Variants in CHTF18 observed in about 807,000 individuals in gnomAD.
CHTF18 encodes chromosome transmission fidelity factor 18.
CHTF18 carries 151 observed loss-of-function variants against 113.4 expected under a neutral mutation model. That is an observed-to-expected ratio of 1.33 (90% CI 1.17 to 1.52). CHTF18 has a LOEUF of 1.52. CHTF18 is among the 40% of genes most tolerant of loss of function. CHTF18 has a pLI of 0.00. For synonymous variants in CHTF18, 916 were observed against 598.8 expected (o/e 1.53, Z -7.74); for missense variants, 1,982 against 1,381.6 (o/e 1.43, Z -6.89).
rs954872190 is a variant in CHTF18, at chr16:793,353, A to G, written c.1802+79A>G. 5 of 1,522,954 alleles carry G rather than the reference A, an allele frequency of 3.3e-6. No individual in the cohort carries two copies. The East Asian group carries it at 7.2e-5, about 22-fold the overall frequency. 94.3% of individuals were successfully genotyped at this position (1,522,954 alleles called of 1,614,324 possible). The stretch of plus-strand genomic sequence containing the variant: ...ACGCTAGCCCTGTGTGCAGGCCAGC[A>G]CTACCTTCGAGGCGGGGACTCAGTG... On this transcript the variant is annotated intron_variant, in intron 14 of 21. Transcript: ENST00000262315.
At chr16:794,298 C>G in intron 15 of CHTF18, 97 bp downstream of exon 15, 1 of 1,409,726 alleles carries the variant, frequency 7.1e-7, no homozygotes, top group Non-Finnish European at 9.7e-7. Context: ...GACGGGGAGG[C>G]GCTTTGGGGG....
At position 793,074 on chromosome 16, in the gene CHTF18, C is replaced by T. The variant is rs112673379; in HGVS notation, c.1671+10C>T. The T allele has an allele frequency of 1.8e-4, 201 of 1,145,292 alleles. 1 individual carries two copies. Among genetic ancestry groups the T allele is most frequent in the African/African-American group, 9.6e-4 (61 of 63,814 alleles). 70.9% of individuals were successfully genotyped at this position (1,145,292 alleles called of 1,614,324 possible). On this transcript the variant is annotated intron_variant, in intron 13 of 21. Transcript: ENST00000262315. ...CATCAACACCCTGCAGGTGGGCGGC[C>T]GGCAGGCACCGGGTGGGGTGGGGTG...
rs2042333769 is a variant in CHTF18, at chr16:795,979, G to A, written c.2358G>A (p.Lys786=). 3 of 1,609,284 alleles carry A rather than the reference G, an allele frequency of 1.9e-6. No individual in the cohort carries two copies. The highest frequency in any genetic ancestry group is 2.5e-6 in the Non-Finnish European group (3 of 1,178,474). Residue 786 remains lysine (K), a synonymous_variant, in exon 18 of 22, where the codon AAG becomes AAA. Transcript: ENST00000262315. ...CACAGCTGTACAGCACCCGTGAAAA[G>A]CAACAGCTGGCCAGCCTGGTGGGCA... ...VSTQLYSTRE[K]QQLASLVGTM... is the part of the protein sequence containing the mutation.
In CHTF18 at chr16:794,020, A is replaced by G. The variant is rs756081414; in HGVS notation, c.1803-34A>G. ...GGGTGGGGCTGCCTGTGCTTTTAACACGGGTCCATCTAGCTTCAGCACCCC... is the reference window on the plus strand; with the variant it reads ...GGGTGGGGCTGCCTGTGCTTTTAACGCGGGTCCATCTAGCTTCAGCACCCC... On this transcript the variant is annotated intron_variant, in intron 14 of 21. Coordinates refer to ENST00000262315, the MANE Select transcript of CHTF18 (RefSeq NM_022092.3). 3 of 1,595,356 alleles carry G rather than the reference A, an allele frequency of 1.9e-6. No individual in the cohort carries two copies. The East Asian group carries it at 6.7e-5, about 36-fold the overall frequency.
rs1276483571 is a variant in CHTF18, at chr16:796,978, A to G, written c.2619A>G (p.Pro873=). ...ENSPQVDGSP[P]GLEGLLGGIG... ...CCCTACAGGTGGATGGGAGCCCCCC[A>G]GGGCTCGAGGGTCTGCTGGGGGGCA... is the stretch of plus-strand genomic sequence containing the variant. The change falls in exon 20 of 22, where the codon CCA becomes CCG. Residue 873 remains proline, a synonymous_variant. Transcript: ENST00000262315. 6.5e-7 allele frequency: 1 copy of G among 1,527,848 alleles called. No homozygotes were observed. Among genetic ancestry groups the G allele is most frequent in the South Asian group, 1.3e-5 (1 of 78,052 alleles). 94.6% of individuals were successfully genotyped at this position (1,527,848 alleles called of 1,614,324 possible). A position where few individuals can be genotyped will look rare whatever the true frequency, so the allele number is the denominator to read the frequency against.
Position 790,654 on chromosome 16 carries a change from G to A in CHTF18, c.882G>A (p.Leu294=), listed in dbSNP as rs765317087. ...DEFAPRHYTE[L]LSDDFTNRCL... Reference sequence around the variant, plus strand: ...TTGCACCCCGCCACTACACGGAGCTGCTCAGTGATGACGTGAGGTCTTGTT... The same window carrying A: ...TTGCACCCCGCCACTACACGGAGCTACTCAGTGATGACGTGAGGTCTTGTT... The change falls in exon 7 of 22, where the codon CTG becomes CTA. Residue 294 remains leucine (L), a synonymous_variant. Transcript: ENST00000262315. 5 of 1,576,536 alleles carry A rather than the reference G, an allele frequency of 3.2e-6. No individual in the cohort carries two copies. The highest frequency in any genetic ancestry group is 4.3e-6 in the Non-Finnish European group (5 of 1,168,012).
Position 793,057 on chromosome 16 carries a change from C to G in CHTF18, c.1664C>G (p.Thr555Ser). The G allele has an allele frequency of 6.5e-7, 1 of 1,547,286 alleles. No individual in the cohort carries two copies. The highest frequency in any genetic ancestry group is 8.7e-7 in the Non-Finnish European group (1 of 1,143,604). Residue 555 changes from threonine (T) to serine (S), a missense_variant, in exon 13 of 22, where the codon ACC (threonine) becomes AGC (serine). By Grantham distance (58) the Thr-to-Ser change is moderately conservative. Coordinates refer to ENST00000262315, the MANE Select transcript of CHTF18 (RefSeq NM_022092.3). ...AATGACATCCGGGCCTGCATCAACA[C>G]CCTGCAGGTGGGCGGCCGGCAGGCA... ...TDNDIRACIN[T>S]LQFLYSRGQR...
rs199809632 is a variant in CHTF18, at chr16:794,161, A to G, written c.1910A>G (p.His637Arg). The stretch of plus-strand genomic sequence containing the variant: ...TCACAGCGATTCTACCGTGTCCTGC[A>G]TGCCGCTGCCTCTGCGGGCGAGCAC... ...SASQRFYRVL[H>R]AAASAGEHEK... The change falls in exon 15 of 22, where the codon CAT becomes CGT. Residue 637 changes from histidine to arginine, a missense_variant. Physicochemically the swap from His to Arg is conservative, Grantham distance 29. Transcript: ENST00000262315. 405 of 1,612,244 alleles carry G rather than the reference A, an allele frequency of 2.5e-4. 2 individuals carry two copies. Among genetic ancestry groups the G allele is most frequent in the Non-Finnish European group, 3.1e-4 (369 of 1,179,670 alleles).
At position 790,181 on chromosome 16, in the gene CHTF18, C is replaced by T. The variant is rs778954286; in HGVS notation, c.611C>T (p.Ser204Phe). 2.9e-5 allele frequency: 47 copies of T among 1,595,814 alleles called. No homozygotes were observed. The Admixed American group carries it at 7.1e-4, about 24-fold the overall frequency. The part of the protein sequence containing the change: ...ADPMAPGVQG[S>F]LLHVPWRGGG... ...ATTGTCCTCCCTTCCCCACAGGGCT[C>T]TCTCCTCCACGTCCCATGGCGAGGC... Residue 204 changes from serine to phenylalanine, a missense_variant, in exon 5 of 22, where the codon TCT becomes TTT. Transcript: ENST00000262315.
In CHTF18 at chr16:791,148, G is replaced by A. The variant is rs373267846; in HGVS notation, c.895-13G>A. On this transcript the variant is annotated splice_polypyrimidine_tract_variant and intron_variant, in intron 7 of 21. Transcript: ENST00000262315. The stretch of plus-strand genomic sequence containing the variant: ...GCCCTCAGGCTGTGCTTCCCTTCCC[G>A]TCCTTCCCGCAGTTCACCAACCGCT... 332 of 1,604,836 alleles carry A rather than the reference G, an allele frequency of 2.1e-4. 1 individual carries two copies. Among genetic ancestry groups the A allele is most frequent in the Non-Finnish European group, 2.6e-4 (302 of 1,176,784 alleles).
intron 8 of CHTF18, 171 bp from the exon 9 acceptor site, chr16:791,680 T>C (rs1206277631): frequency 5.6e-6 from 8 of 1,427,770 alleles, no homozygotes; most frequent in African/African-American, 1.4e-5. Context: ...GGTTTTTTTT[T>C]CCGTTGCCAT....
rs147233584 is a variant in CHTF18, at chr16:796,951, C to T, written c.2602-10C>T. ...GTGTGGCCAGATCTCACAATGCCTG[C>T]TCCCTACAGGTGGATGGGAGCCCCC... On this transcript the variant is annotated splice_polypyrimidine_tract_variant and intron_variant, in intron 19 of 21. Transcript: ENST00000262315. 1.8e-5 allele frequency: 27 copies of T among 1,529,814 alleles called. 1 individual carries two copies. Among genetic ancestry groups the T allele is most frequent in the African/African-American group, 2.8e-5 (2 of 72,420 alleles). 94.8% of individuals were successfully genotyped at this position (1,529,814 alleles called of 1,614,324 possible). A position where few individuals can be genotyped will look rare whatever the true frequency, so the allele number is the denominator to read the frequency against.
chr16:793,081 C>T lies in CHTF18; in HGVS notation c.1671+17C>T, dbSNP rs541768398. On this transcript the variant is annotated intron_variant, in intron 13 of 21. Transcript: ENST00000262315. ...ACCCTGCAGGTGGGCGGCCGGCAGGCACCGGGTGGGGTGGGGTGGGGTCAG... is the reference window on the plus strand; with the variant it reads ...ACCCTGCAGGTGGGCGGCCGGCAGGTACCGGGTGGGGTGGGGTGGGGTCAG... The T allele has an allele frequency of 7.2e-4, 825 of 1,152,556 alleles. 7 individuals are homozygous for T. The South Asian group carries it at 7.6e-3, about 11-fold the overall frequency. 71.4% of individuals were successfully genotyped at this position (1,152,556 alleles called of 1,614,324 possible). A position where few individuals can be genotyped will look rare whatever the true frequency, so the allele number is the denominator to read the frequency against.
At chr16:796,117 C>A in intron 18 of CHTF18, 40 bp downstream of exon 18, 1 of 1,574,926 alleles carries the variant, frequency 6.3e-7, no homozygotes, top group Non-Finnish European at 8.6e-7. Context: ...CAGGGTCATG[C>A]TCCCCGGCTG....
intron 9 of CHTF18, 82 bp from the exon 10 acceptor site, chr16:792,142 C>G: frequency 6.6e-7 from 1 of 1,525,180 alleles, no homozygotes; most frequent in East Asian, 2.5e-5. Flanking sequence ...GGTCTCCACG[C>G]AAATGCGGCA....
chr16:797,943 C>T lies in CHTF18; in HGVS notation c.2896C>T (p.Arg966Trp), dbSNP rs368524951. Residue 966 changes from arginine to tryptophan, a missense_variant, in exon 22 of 22, where the codon CGG becomes TGG. Arg to Trp is a moderately radical substitution (Grantham distance 101). Transcript: ENST00000262315. Reference sequence around the variant, plus strand: ...CAACGAGGGTGTCTCCAACGCCGTGCGGCGCAGCCTGTACATCAGGGACTT... The same window carrying T: ...CAACGAGGGTGTCTCCAACGCCGTGTGGCGCAGCCTGTACATCAGGGACTT... ...RFNEGVSNAV[R>W]RSLYIRDLL The T allele has an allele frequency of 6.4e-5, 103 of 1,612,272 alleles. No individual in the cohort carries two copies. The highest frequency in any genetic ancestry group is 1.8e-4 in the Admixed American group (11 of 59,978).
chr16:797,343 G>T (rs1375499008), intron 20 of CHTF18, among the ~76,000 whole-genome samples: 1 of 152,012 alleles, frequency 6.6e-6, no homozygotes, highest in Non-Finnish European at 1.5e-5. Flanking sequence ...GGTACCTTTG[G>T]GGGTGGGGCT....
rs1399904859 is a variant in CHTF18 at position 795,955 on chromosome 16, A to G, written c.2334A>G (p.Thr778=). Residue 778 remains threonine (T), a synonymous_variant, in exon 18 of 22, where the codon ACA becomes ACG. Coordinates refer to ENST00000262315, the MANE Select transcript of CHTF18 (RefSeq NM_022092.3). ...TGCCTCCCATCCCCTAGGTGAGCAC[A>G]CAGCTGTACAGCACCCGTGAAAAGC... The part of the protein sequence containing the change: ...ILAPKLRPVS[T]QLYSTREKQQ... The G allele has an allele frequency of 6.2e-7, 1 of 1,609,602 alleles. No individual in the cohort carries two copies. Among genetic ancestry groups the G allele is most frequent in the South Asian group, 1.1e-5 (1 of 90,370 alleles).
rs753629771 is a variant in CHTF18, at chr16:793,091, G to T, written c.1671+27G>T. The T allele has an allele frequency of 3.2e-6, 5 of 1,566,744 alleles. No homozygotes were observed. In the East Asian group the frequency reaches 1.2e-4, roughly 37 times the overall value. On this transcript the variant is annotated intron_variant, in intron 13 of 21. Transcript: ENST00000262315. The stretch of plus-strand genomic sequence containing the variant: ...TGGGCGGCCGGCAGGCACCGGGTGG[G>T]GTGGGGTGGGGTCAGGAGTTGGCCG...
Sources: gnomAD v4.1 joint callset for allele counts (sites outside exome capture counted in the v4.1 genomes callset) on GRCh38, gnomAD v4.1.1 for gene constraint, MANE v1.5 for transcripts, NCBI Gene and HGNC (gene_info 2026-07-23, HGNC 2026-07-21) for gene names.